SFMBT2: variants seen among roughly 807,000 people sequenced by gnomAD.
SFMBT2 encodes Scm like with four mbt domains 2.
SFMBT2 carries 38 observed loss-of-function variants against 110.1 expected under a neutral mutation model. The observed-to-expected ratio is 0.35, with a 90% CI of 0.27 to 0.45. The LOEUF (loss-of-function observed/expected upper bound fraction) is 0.45. SFMBT2 is among the 20% of genes least tolerant of loss of function. The pLI is 1.00. For synonymous variants in SFMBT2, 425 were observed against 425.4 expected, an observed-to-expected ratio of 1.00 and a Z score of 0.01; for missense variants, 1,011 against 1,094.9, an observed-to-expected ratio of 0.92 and a Z score of 1.08.
intron 4 of SFMBT2, among the ~76,000 whole-genome samples, chr10:7,365,814 A>G (rs1257500237): frequency 6.6e-6 from 1 of 152,202 alleles, no homozygotes; most frequent in African/African-American, 2.4e-5. Flanking sequence ...GTGTTTGCCA[A>G]GGGTTTTCCG....
chr10:7,241,033 G>A lies in SFMBT2; in HGVS notation c.1120+2525C>T, dbSNP rs1048717963. 9.9e-5 allele frequency among the ~76,000 whole-genome samples: 15 copies of A among 152,208 alleles called. No individual in the cohort carries two copies. In the East Asian group the frequency reaches 1.9e-3, roughly 20 times the overall value. On this transcript the variant is annotated intron_variant, in intron 9 of 20. Coordinates refer to ENST00000397167, the MANE Select transcript of SFMBT2 (RefSeq NM_001387889.1). The stretch of plus-strand genomic sequence containing the variant: ...ACCTGGTGGGAGGTGATTGAATCAC[G>A]GGGGCAGGTCTTTCCTGGCTGTTCT...
At chr10:7,187,897 T>C (rs1370120067) in intron 16 of SFMBT2, among the ~76,000 whole-genome samples, 2 of 152,340 alleles carry the variant, frequency 1.3e-5, no homozygotes, top group East Asian at 3.9e-4. Flanking sequence ...GTAAAACCTA[T>C]TCTATTTGAA....
chr10:7,293,174 A>C lies in SFMBT2; in HGVS notation c.437-7220T>G, dbSNP rs1477323949. On this transcript the variant is annotated intron_variant, in intron 4 of 20. Transcript: ENST00000397167. This position sits in a 1 kb window ranked among gnomAD's most constrained non-coding sequence, Gnocchi z 4.6. ...AGCGATTCTCCTACCTCAGCCTCCC[A>C]AGCAGCTGGGATTACAGGCACCCAC... Among the ~76,000 whole-genome samples the C allele has an allele frequency of 6.6e-6, 1 of 151,870 alleles. No individual in the cohort carries two copies. The highest frequency in any genetic ancestry group is 1.5e-5 in the Non-Finnish European group (1 of 67,950).
chr10:7,388,240 T>G (rs1395554148), intron 1 of SFMBT2, among the ~76,000 whole-genome samples: 1 of 152,008 alleles, frequency 6.6e-6, no homozygotes, highest in African/African-American at 2.4e-5. Flanking sequence ...TTTTTTTTTT[T>G]TTTAATTAGT....
At position 7,238,937 on chromosome 10, in the gene SFMBT2, G is replaced by A. The variant is rs183259738; in HGVS notation, c.1120+4621C>T. On this transcript the variant is annotated intron_variant, in intron 9 of 20. Transcript: ENST00000397167. ...TGTGAAACTGACTTGCTGTTTATTG[G>A]GTTTAAACTAATTGAGTAAAATCTC... 1.1e-4 allele frequency among the ~76,000 whole-genome samples: 16 copies of A among 152,080 alleles called. 1 individual carries two copies. In the East Asian group the frequency reaches 2.9e-3, roughly 27 times the overall value.
In SFMBT2 at chr10:7,326,872, G is replaced by T. The variant is rs575912443; in HGVS notation, c.436+40777C>A. Among the ~76,000 whole-genome samples, 44 of 152,164 alleles carry T rather than the reference G, an allele frequency of 2.9e-4. 1 individual carries two copies. The Middle Eastern group carries it at 0.017, about 59-fold the overall frequency. On this transcript the variant is annotated intron_variant, in intron 4 of 20. Coordinates refer to ENST00000397167, the MANE Select transcript of SFMBT2 (RefSeq NM_001387889.1). ...TGCTTCCAAAGCTGCTCTTAAAACC[G>T]AACTAGATTCCCTTTTGGTGTTCCC...
chr10:7,334,798 C>T (rs1843667741), intron 4 of SFMBT2, among the ~76,000 whole-genome samples: 1 of 152,210 alleles, frequency 6.6e-6, no homozygotes, highest in South Asian at 2.1e-4. Flanking sequence ...AACTCAGCTT[C>T]ATTTGTTAAC....
chr10:7,395,267 A>G (rs1026482762), intron 1 of SFMBT2, among the ~76,000 whole-genome samples: 2 of 152,182 alleles, frequency 1.3e-5, no homozygotes, highest in African/African-American at 4.8e-5. Context: ...TGACAGAGCA[A>G]GATTCCACCT....
intron 7 of SFMBT2, among the ~76,000 whole-genome samples, chr10:7,267,165 A>T (rs1447876866): frequency 6.6e-6 from 1 of 152,044 alleles, no homozygotes; most frequent in Admixed American, 6.6e-5. Flanking sequence ...CTGGTAGAAG[A>T]GTACCTGGCA....
intron 13 of SFMBT2, chr10:7,201,103 G>C (rs1322205897): frequency 6.6e-6 from 1 of 152,208 alleles, no homozygotes. Context: ...GTTTCACAGG[G>C]GTGTCTAGGT....
At chr10:7,410,507 T>C (rs1846344049) in intron 1 of SFMBT2, among the ~76,000 whole-genome samples, 1 of 152,064 alleles carries the variant, frequency 6.6e-6, no homozygotes, top group African/African-American at 2.4e-5. Flanking sequence ...GAGGACACTT[T>C]GCAACTCCGG....
intron 15 of SFMBT2, among the ~76,000 whole-genome samples, chr10:7,190,846 A>G (rs1464876212): frequency 6.6e-6 from 1 of 152,130 alleles, no homozygotes; most frequent in African/African-American, 2.4e-5. Flanking sequence ...CTCACCTTGA[A>G]TTGTAGCTCC....
At chr10:7,292,455 G>C (rs999417565) in intron 4 of SFMBT2, 12 of 153,970 alleles carry the variant, frequency 7.8e-5, no homozygotes, top group African/African-American at 2.7e-4. Context: ...GATTCAACAG[G>C]ATTGACAAGT....
chr10:7,188,634 G>A lies in SFMBT2; in HGVS notation c.1798C>T (p.Leu600=). The part of the protein sequence containing the change: ...DPHWNFQEET[L]KAKYRGKTYR... ...ATTGAAAACACTTACTTGGCCTTCA[G>A]CGTCTCTTCCTGGAAATTCCAGTGG... Residue 600 remains leucine, a synonymous_variant, in exon 16 of 21, where the codon CTG becomes TTG. Transcript: ENST00000397167. 1.9e-6 allele frequency: 3 copies of A among 1,613,372 alleles called. No homozygotes were observed. The highest frequency in any genetic ancestry group is 2.5e-6 in the Non-Finnish European group (3 of 1,179,538).
intron 9 of SFMBT2, among the ~76,000 whole-genome samples, chr10:7,231,776 C>T (rs974072535): frequency 1.3e-5 from 2 of 152,222 alleles, no homozygotes; most frequent in African/African-American, 4.8e-5. Flanking sequence ...CCTCCTCCTC[C>T]TCTTCGGGAC....
chr10:7,312,019 T>C (rs576592901), intron 4 of SFMBT2, among the ~76,000 whole-genome samples: 129 of 152,148 alleles, frequency 8.5e-4, no homozygotes, highest in African/African-American at 2.9e-3. Context: ...TAGGTGGGAA[T>C]TGAACAATGA....
Position 7,367,788 on chromosome 10 carries a change from C to T in SFMBT2, c.297G>A (p.Thr99=), listed in dbSNP as rs143390162. The change falls in exon 4 of 21, where the codon ACG becomes ACA. Residue 99 remains threonine, a synonymous_variant. Transcript: ENST00000397167. This position sits in a 1 kb window ranked among gnomAD's most constrained non-coding sequence, Gnocchi z 6.2. ...AGCGCAGAAGCAGCAGCTGCCCGCACGTGGTAATGATCGTGGCCACCCAGT... is the reference window on the plus strand; with the variant it reads ...AGCGCAGAAGCAGCAGCTGCCCGCATGTGGTAATGATCGTGGCCACCCAGT... ...DTYWVATIIT[T]CGQLLLLRYC... 4.6e-5 allele frequency: 75 copies of T among 1,614,174 alleles called. No homozygotes were observed. The African/African-American group carries it at 6.7e-4, about 14-fold the overall frequency.
intron 6 of SFMBT2, among the ~76,000 whole-genome samples, chr10:7,280,784 G>A (rs747442968): frequency 3.9e-5 from 6 of 152,130 alleles, no homozygotes; most frequent in Non-Finnish European, 5.9e-5. Flanking sequence ...CTCTGATTCA[G>A]GGCAAAAAGA....
chr10:7,269,703 AGTAAGTGTGTGCGT>A (rs1393692337), intron 7 of SFMBT2, among the ~76,000 whole-genome samples: 17 of 136,438 alleles, frequency 1.2e-4, no homozygotes, highest in South Asian at 2.6e-4. Context: ...AAAAAAAGCA[AGTAAGTGTGTGCGT>A]GTGTGTGTGT....
Sources: gnomAD v4.1 joint callset for allele counts (sites outside exome capture counted in the v4.1 genomes callset) on GRCh38, gnomAD v4.1.1 for gene constraint, Gnocchi (gnomAD v3.1) non-coding constraint, MANE v1.5 for transcripts, NCBI Gene and HGNC (gene_info 2026-07-23, HGNC 2026-07-21) for gene names.